LYN: variants seen among roughly 807,000 people sequenced by gnomAD.
LYN encodes the protein tyrosine-protein kinase Lyn.
In LYN, 12 loss-of-function variants were observed where a neutral mutation model predicts 65.0. The observed-to-expected ratio is 0.18, with a 90% CI of 0.12 to 0.30. The LOEUF (loss-of-function observed/expected upper bound fraction) is 0.30. LYN is among the 10% of genes least tolerant of loss of function. The pLI is 1.00. For missense variants in LYN, 380 were observed against 623.2 expected (o/e 0.61, Z 4.16); for synonymous variants, 222 against 221.2 (o/e 1.00, Z -0.03).
rs531849934 is a variant in LYN at position 55,963,904 on chromosome 8, T to C, written c.791-2811T>C. On this transcript the variant is annotated intron_variant, in intron 8 of 12. Coordinates refer to ENST00000519728, the MANE Select transcript of LYN (RefSeq NM_002350.4). ...TGGATATGCTCATGTAACTTAGGGT[T>C]AGAGTTAGGGCTGGGGTTAAGGTTA... Among the ~76,000 whole-genome samples the C allele has an allele frequency of 2.0e-5, 3 of 152,332 alleles. No individual in the cohort carries two copies. In the South Asian group the frequency reaches 6.2e-4, roughly 32 times the overall value.
intron 12 of LYN, among the ~76,000 whole-genome samples, chr8:56,005,313 T>C (rs1473674818): frequency 6.6e-6 from 1 of 152,224 alleles, no homozygotes; most frequent in Non-Finnish European, 1.5e-5. Flanking sequence ...CAGTCTTTCT[T>C]CTCACTCCTG....
intron 3 of LYN, 22 bp downstream of exon 3, chr8:55,946,515 G>C: frequency 6.4e-7 from 1 of 1,557,932 alleles, no homozygotes; most frequent in Non-Finnish European, 8.8e-7. Flanking sequence ...TAGCAACATA[G>C]TTAAAATTTT....
Position 56,004,116 on chromosome 8 carries a change from G to A in LYN, c.1336+4567G>A, listed in dbSNP as rs965921238. On this transcript the variant is annotated intron_variant, in intron 12 of 12. Transcript: ENST00000519728. ...CCCAGCTAATTTTGTATTTTTAGTA[G>A]AGATGGGGTTTCTCCATGTTGGTCA... is the stretch of plus-strand genomic sequence containing the variant. Among the ~76,000 whole-genome samples, 4 of 151,148 alleles carry A rather than the reference G, an allele frequency of 2.6e-5. No individual in the cohort carries two copies. In the East Asian group the frequency reaches 7.8e-4, roughly 29 times the overall value.
chr8:55,984,043 C>T (rs368010253), intron 10 of LYN, among the ~76,000 whole-genome samples: 2 of 152,076 alleles, frequency 1.3e-5, no homozygotes, highest in South Asian at 4.2e-4. Context: ...TCTTGTTGAC[C>T]GCACTGCTCC....
chr8:55,960,505 T>C (rs1807242219), intron 8 of LYN, among the ~76,000 whole-genome samples: 1 of 152,320 alleles, frequency 6.6e-6, no homozygotes, highest in Middle Eastern at 3.4e-3. Flanking sequence ...AATTTAAATA[T>C]GTTGAATACA....
At chr8:55,964,797 T>C (rs1807400807) in intron 8 of LYN, among the ~76,000 whole-genome samples, 1 of 152,164 alleles carries the variant, frequency 6.6e-6, no homozygotes, top group Non-Finnish European at 1.5e-5. Flanking sequence ...AAAGTAGAAG[T>C]CACTCCAAAT....
At chr8:55,946,666 A>G (rs1806787602) in intron 3 of LYN, among the ~76,000 whole-genome samples, 173 bp downstream of exon 3, 1 of 152,146 alleles carries the variant, frequency 6.6e-6, no homozygotes, top group African/African-American at 2.4e-5. Flanking sequence ...GTACATTCAC[A>G]TTGTTGTACA....
chr8:55,886,525 G>A (rs1804800707), intron 1 of LYN, among the ~76,000 whole-genome samples: 1 of 152,224 alleles, frequency 6.6e-6, no homozygotes, highest in Admixed American at 6.5e-5. Flanking sequence ...TGGGATTACA[G>A]GCATGAGCCA....
At chr8:55,908,706 T>C (rs1394327928) in intron 1 of LYN, among the ~76,000 whole-genome samples, 1 of 151,890 alleles carries the variant, frequency 6.6e-6, no homozygotes, top group Non-Finnish European at 1.5e-5. Context: ...GTAGCACACA[T>C]TGTACCCACT....
At chr8:55,897,571 T>C (rs987322894) in intron 1 of LYN, among the ~76,000 whole-genome samples, 1 of 152,168 alleles carries the variant, frequency 6.6e-6, no homozygotes, top group African/African-American at 2.4e-5. Context: ...GTATCTAAAA[T>C]ATTTCAAAAT....
chr8:55,908,255 A>ATTTG (rs1805488039), intron 1 of LYN, among the ~76,000 whole-genome samples: 1 of 143,954 alleles, frequency 6.9e-6, no homozygotes, highest in Non-Finnish European at 1.6e-5. Flanking sequence ...TTATTTATTT[A>ATTTG]TTTATTTGAG....
intron 10 of LYN, among the ~76,000 whole-genome samples, chr8:55,971,811 T>G (rs890300489): frequency 2.6e-5 from 4 of 152,224 alleles, no homozygotes; most frequent in African/African-American, 9.6e-5. Context: ...AAAAGTAATT[T>G]TTCTAACCTC....
intron 4 of LYN, among the ~76,000 whole-genome samples, chr8:55,949,280 G>T (rs2130489490): frequency 6.6e-6 from 1 of 152,324 alleles, no homozygotes; most frequent in South Asian, 2.1e-4. Context: ...GCTATCCTGG[G>T]GCAAGTTACA....
Position 56,009,961 on chromosome 8 carries a change from CGT to C in LYN, c.1394_1395del (p.Val465GlyfsTer6). On this transcript the variant is annotated frameshift_variant, in exon 13 of 13. Transcript: ENST00000519728. LOFTEE classifies it high-confidence loss of function. ...CCTGTCCCAGGGCTACAGGATGCCC[CGT>C]GTGGAGAACTGCCCAGATGAGCTCT... Reference protein sequence around the residue: ...TALSQGYRMPRVENCPDELYD... With the variant: ...TALSQGYRMPXVENCPDELYD... 1 of 1,613,940 alleles carries C rather than the reference CGT, an allele frequency of 6.2e-7. No homozygotes were observed. The highest frequency in any genetic ancestry group is 8.5e-7 in the Non-Finnish European group (1 of 1,179,878).
intron 4 of LYN, 47 bp downstream of exon 4, chr8:55,947,770 T>A (rs764898944): frequency 3.9e-6 from 5 of 1,297,948 alleles, no homozygotes; most frequent in South Asian, 1.2e-5. Context: ...CTCAGGCCAC[T>A]GAGTCCTGCA....
intron 1 of LYN, among the ~76,000 whole-genome samples, chr8:55,928,535 T>G (rs771174377): frequency 1.2e-4 from 18 of 152,356 alleles, no homozygotes; most frequent in Middle Eastern, 3.4e-3. Context: ...TCTTCTTTGG[T>G]GAGGTGTCTA....
intron 10 of LYN, among the ~76,000 whole-genome samples, chr8:55,978,727 G>A (rs555230883): frequency 3.4e-4 from 52 of 152,182 alleles, no homozygotes; most frequent in Admixed American, 9.2e-4. Flanking sequence ...CGCAGGCGAC[G>A]GAGTTCTGAC....
intron 8 of LYN, among the ~76,000 whole-genome samples, chr8:55,966,344 C>T (rs1422960234): frequency 6.7e-6 from 1 of 150,136 alleles, no homozygotes; most frequent in Non-Finnish European, 1.5e-5. Flanking sequence ...TTTGCTAACT[C>T]TGCATCTACA....
intron 1 of LYN, among the ~76,000 whole-genome samples, chr8:55,941,125 T>C (rs1554579189): frequency 6.6e-6 from 1 of 152,128 alleles, no homozygotes; most frequent in Non-Finnish European, 1.5e-5. Flanking sequence ...TGGAGCCAGG[T>C]TCTGCAGATT....
Sources: allele counts gnomAD v4.1 joint callset (sites outside exome capture counted in the v4.1 genomes callset), GRCh38; gene constraint gnomAD v4.1.1; transcripts MANE v1.5; gene names NCBI Gene and HGNC (gene_info 2026-07-23, HGNC 2026-07-21).